TNFRSF14: variants seen among roughly 807,000 people sequenced by gnomAD.
TNFRSF14 encodes tumor necrosis factor receptor superfamily member 14.
Under a neutral mutation model 34.1 loss-of-function variants are expected in TNFRSF14, and 18 were observed. That is an observed-to-expected ratio of 0.53 (90% CI 0.36 to 0.78). The LOEUF is 0.78. Among genes scored for constraint, TNFRSF14 ranks in the 30% least tolerant of loss-of-function variants. TNFRSF14 has a pLI of 0.00. For missense variants in TNFRSF14, 352 were observed against 379.5 expected (o/e 0.93, Z 0.60); for synonymous variants, 157 against 153.2 (o/e 1.02, Z -0.18).
chr1:2,560,404 G>A (rs1644290478), intron 4 of TNFRSF14: 1 of 575,650 alleles, frequency 1.7e-6, no homozygotes, highest in Non-Finnish European at 3.1e-6. Context: ...AGGGACTCCC[G>A]GACTCATGAG....
upstream of TNFRSF14, chr1:2,555,969 C>T (rs1263432711): frequency 5.0e-6 from 1 of 199,628 alleles, no homozygotes; most frequent in Non-Finnish European, 1.1e-5. The surrounding 1 kb of genome is among the most constrained non-coding windows in gnomAD (Gnocchi z 6.3). Flanking sequence ...GGCAGCCTTC[C>T]CAGTCCGCGC....
Position 2,563,436 on chromosome 1 carries a change from A to G in TNFRSF14, c.*163A>G, listed in dbSNP as rs1211982497. ...GGAGAGGTGGGGCCCCTGCTGGGGTAGAGCTGGGGACGCCACGTGCCATTC... is the reference window on the plus strand; with the variant it reads ...GGAGAGGTGGGGCCCCTGCTGGGGTGGAGCTGGGGACGCCACGTGCCATTC... On this transcript the variant is annotated 3_prime_UTR_variant, in exon 8 of 8. Transcript: ENST00000355716. The G allele has an allele frequency of 8.5e-7, 1 of 1,175,710 alleles. No individual in the cohort carries two copies. The highest frequency in any genetic ancestry group is 1.2e-6 in the Non-Finnish European group (1 of 853,036). The allele number at this position is 1,175,710 out of a possible 1,614,324, so 72.8% of individuals were successfully genotyped here. A position where few individuals can be genotyped will look rare whatever the true frequency, so the allele number is the denominator to read the frequency against.
chr1:2,563,303 A>G lies in TNFRSF14; in HGVS notation c.*30A>G. The G allele has an allele frequency of 6.2e-7, 1 of 1,607,178 alleles. No homozygotes were observed. Among genetic ancestry groups the G allele is most frequent in the South Asian group, 1.1e-5 (1 of 90,978 alleles). ...CAGACTCTGCACCCCGACGCCAGAGATACCTGGAGCGACGGCTGCTGAAAG... is the reference window on the plus strand; with the variant it reads ...CAGACTCTGCACCCCGACGCCAGAGGTACCTGGAGCGACGGCTGCTGAAAG... On this transcript the variant is annotated 3_prime_UTR_variant, in exon 8 of 8. Transcript: ENST00000355716.
Position 2,563,510 on chromosome 1 carries a change from T to G in TNFRSF14, c.*237T>G, listed in dbSNP as rs1026111826. 3 of 559,228 alleles carry G rather than the reference T, an allele frequency of 5.4e-6. No individual in the cohort carries two copies. Among genetic ancestry groups the G allele is most frequent in the Admixed American group, 3.4e-5 (1 of 29,640 alleles). The allele number at this position is 559,228 out of a possible 1,614,324, so 34.6% of individuals were successfully genotyped here. On this transcript the variant is annotated 3_prime_UTR_variant, in exon 8 of 8. Transcript: ENST00000355716. ...GCCTCTGTTCTGCTGTGGCCTGAGC[T>G]CCCCAGAGTCCTGAGGAGGAGCGCC...
rs538388492 is a variant in TNFRSF14 at position 2,561,896 on chromosome 1, G to A, written c.694+81G>A. The A allele has an allele frequency of 6.1e-6, 9 of 1,470,928 alleles. No homozygotes were observed. The African/African-American group carries it at 1.3e-4, about 21-fold the overall frequency. 91.1% of individuals were successfully genotyped at this position (1,470,928 alleles called of 1,614,324 possible). A position where few individuals can be genotyped will look rare whatever the true frequency, so the allele number is the denominator to read the frequency against. ...CTCTGTCACCCCAAGCCTGGGAGGT[G>A]GCCCCAGAGCTTTTCCAGGATCCGC... On this transcript the variant is annotated intron_variant, in intron 6 of 7. Transcript: ENST00000355716. This position sits in a 1 kb window ranked among gnomAD's most constrained non-coding sequence, Gnocchi z 6.0.
intron 3 of TNFRSF14, chr1:2,558,724 CT>C (rs1193929124): frequency 1.8e-6 from 2 of 1,138,474 alleles, no homozygotes; most frequent in Non-Finnish European, 2.4e-6. Flanking sequence ...ACCCTTATCC[CT>C]CGTCCTTGGC....
At chr1:2,562,945 C>T in intron 7 of TNFRSF14, 49 bp downstream of exon 7, 3 of 1,567,018 alleles carry the variant, frequency 1.9e-6, no homozygotes, top group Non-Finnish European at 2.6e-6. Context: ...TTCCCACCTC[C>T]CCTCTCCCCG....
intron 4 of TNFRSF14, 24 bp downstream of exon 4, chr1:2,560,002 C>T: frequency 6.6e-7 from 1 of 1,508,766 alleles, no homozygotes; most frequent in Non-Finnish European, 8.9e-7. Flanking sequence ...GGCGGACACC[C>T]CTCCCATTTC....
chr1:2,557,792 G>A lies in TNFRSF14; in HGVS notation c.136G>A (p.Glu46Lys), dbSNP rs2100843125. Residue 46 changes from glutamate (E) to lysine (K), a missense_variant, in exon 2 of 8, where the codon GAG becomes AAG. By Grantham distance (56) the Glu-to-Lys change is moderately conservative. Coordinates refer to ENST00000355716, the MANE Select transcript of TNFRSF14 (RefSeq NM_003820.4). ...AGCTCTGCCGTCCTGCAAGGAGGAC[G>A]AGTACCCAGTGGGCTCCGAGTGCTG... ...APALPSCKED[E>K]YPVGSECCPK... 2.5e-6 allele frequency: 4 copies of A among 1,611,730 alleles called. No individual in the cohort carries two copies. Among genetic ancestry groups the A allele is most frequent in the East Asian group, 2.2e-5 (1 of 44,790 alleles).
rs780767381 is a variant in TNFRSF14, at chr1:2,556,744, G to A, written c.69+11G>A. 2.3e-5 allele frequency: 37 copies of A among 1,584,390 alleles called. No individual in the cohort carries two copies. Among genetic ancestry groups the A allele is most frequent in the Non-Finnish European group, 2.9e-5 (34 of 1,166,752 alleles). ...GACGTCTTGAGGCTGGTGAGCCCCC[G>A]AGCCTCCTCTCCGTCTGCTCGCAGA... On this transcript the variant is annotated intron_variant, in intron 1 of 7. Coordinates refer to ENST00000355716, the MANE Select transcript of TNFRSF14 (RefSeq NM_003820.4).
Position 2,560,700 on chromosome 1 carries a change from T to G in TNFRSF14, c.537T>G (p.Cys179Trp), listed in dbSNP as rs780790010. Residue 179 changes from cysteine to tryptophan, a missense_variant, in exon 5 of 8, where the codon TGT (cysteine) becomes TGG (tryptophan). Physicochemically the swap from Cys to Trp is radical, Grantham distance 215 (BLOSUM62 -2). Coordinates refer to ENST00000355716, the MANE Select transcript of TNFRSF14 (RefSeq NM_003820.4). Reference sequence around the variant, plus strand: ...CTCCCAATGGGACCCTGGAGGAATGTCAGCACCAGACCAAGTAAGTGAACC... The same window carrying G: ...CTCCCAATGGGACCCTGGAGGAATGGCAGCACCAGACCAAGTAAGTGAACC... ...TFSPNGTLEE[C>W]QHQTKCSWLV... is the part of the protein sequence containing the mutation. 6.2e-7 allele frequency: 1 copy of G among 1,613,268 alleles called. No individual in the cohort carries two copies. The highest frequency in any genetic ancestry group is 8.5e-7 in the Non-Finnish European group (1 of 1,179,900).
intron 1 of TNFRSF14, chr1:2,557,064 G>C: frequency 2.8e-6 from 1 of 352,444 alleles, no homozygotes; most frequent in South Asian, 7.0e-5. Context: ...TCTCTGGGCG[G>C]GGCCCTCGAG....
In TNFRSF14 at chr1:2,561,376, G is replaced by T; in HGVS notation, c.552-297G>T. ...TGCCACTGGTCTCCCGTGCTCTGGG[G>T]TCTCTGCACTGCTGGCTGCCTCCCG... On this transcript the variant is annotated intron_variant, in intron 5 of 7. Transcript: ENST00000355716. This position sits in a 1 kb window ranked among gnomAD's most constrained non-coding sequence, Gnocchi z 6.0. 1 of 987,120 alleles carries T rather than the reference G, an allele frequency of 1.0e-6. No homozygotes were observed. The highest frequency in any genetic ancestry group is 1.7e-5 in the South Asian group (1 of 58,070). 61.1% of individuals were successfully genotyped at this position (987,120 alleles called of 1,614,324 possible).
At chr1:2,557,127 A>G in intron 1 of TNFRSF14, 1 of 249,502 alleles carries the variant, frequency 4.0e-6, no homozygotes. Flanking sequence ...TGATAAGATC[A>G]GTGTGCAGCA....
At chr1:2,559,119 T>C in intron 3 of TNFRSF14, 1 of 1,363,528 alleles carries the variant, frequency 7.3e-7, no homozygotes, top group South Asian at 1.2e-5. Flanking sequence ...ACGGCACACC[T>C]GGGGGCAGGG....
At chr1:2,557,686 C>A (rs1440057332) in intron 1 of TNFRSF14, 40 bp from the exon 2 acceptor site, 2 of 1,476,762 alleles carry the variant, frequency 1.4e-6, no homozygotes, top group South Asian at 1.3e-5. Flanking sequence ...GCCCACAGGG[C>A]AGCCAGGGCA....
intron 7 of TNFRSF14, 96 bp downstream of exon 7, chr1:2,562,992 C>A: frequency 2.6e-6 from 4 of 1,545,700 alleles, no homozygotes; most frequent in Non-Finnish European, 3.5e-6. Context: ...GGTGGGGGCT[C>A]CCAGTTCTCT....
At chr1:2,557,862 T>A (rs745897128) in intron 2 of TNFRSF14, 28 bp downstream of exon 2, 1 of 1,559,968 alleles carries the variant, frequency 6.4e-7, no homozygotes, top group African/African-American at 1.4e-5. Flanking sequence ...GCGGGCCAGC[T>A]CTGTGGGCCG....
Position 2,556,503 on chromosome 1 carries a change from T to C in TNFRSF14, c.-162T>C, listed in dbSNP as rs1455532559. 2.6e-6 allele frequency: 2 copies of C among 767,562 alleles called. No homozygotes were observed. Among genetic ancestry groups the C allele is most frequent in the South Asian group, 2.9e-5 (2 of 68,096 alleles). The allele number at this position is 767,562 out of a possible 1,614,324, so 47.5% of individuals were successfully genotyped here. A position where few individuals can be genotyped will look rare whatever the true frequency, so the allele number is the denominator to read the frequency against. On this transcript the variant is annotated 5_prime_UTR_variant, in exon 1 of 8. Transcript: ENST00000355716. ...GCCAGACACCCCCTGCTGCCCACTC[T>C]CCTGCTGCTCGGGTTCTGAGGCACA...
Sources: gnomAD v4.1 joint callset for allele counts on GRCh38, gnomAD v4.1.1 for gene constraint, Gnocchi (gnomAD v3.1) non-coding constraint, MANE v1.5 for transcripts, NCBI Gene and HGNC (gene_info 2026-07-23, HGNC 2026-07-21) for gene names.